The following SEMA6D variants were observed in gnomAD, a reference collection of about 807,000 sequenced individuals.
The protein encoded by SEMA6D is semaphorin-6D.
SEMA6D carries 35 observed loss-of-function variants against 106.6 expected under a neutral mutation model. The ratio of observed to expected loss-of-function variants is 0.33; its 90% CI spans 0.25 to 0.44. The LOEUF is 0.44. SEMA6D is among the 20% of genes least tolerant of loss of function. The pLI is 1.00. For synonymous variants in SEMA6D, 499 were observed against 487.7 expected (o/e 1.02, Z -0.31); for missense variants, 1,185 against 1,345.9 (o/e 0.88, Z 1.87).
At chr15:47,582,323 C>G (rs988547704) in intron 3 of SEMA6D, among the ~76,000 whole-genome samples, 2 of 152,174 alleles carry the variant, frequency 1.3e-5, no homozygotes, top group Non-Finnish European at 2.9e-5. Flanking sequence ...CGAGGCCACA[C>G]CATGAGTCCC....
rs73390909 is a variant in SEMA6D at position 47,551,979 on chromosome 15, T to C, written c.-86-48886T>C. 9.1e-3 allele frequency among the ~76,000 whole-genome samples: 1,385 copies of C among 152,122 alleles called. 13 individuals carry two copies. Among genetic ancestry groups the C allele is most frequent in the African/African-American group, 0.032 (1,343 of 41,530 alleles). On this transcript the variant is annotated intron_variant, in intron 3 of 19. Transcript: ENST00000558014. ...CAAGAGCTACCAAATTAAAAGTGCA[T>C]GCATTTTGACCTGGTAATCCCACTT...
At chr15:47,402,301 A>G (rs565960858) in intron 1 of SEMA6D, among the ~76,000 whole-genome samples, 3 of 152,338 alleles carry the variant, frequency 2.0e-5, no homozygotes, top group East Asian at 1.9e-4. Flanking sequence ...TTTCTCATCC[A>G]TATTTCCTTC....
chr15:47,295,526 T>C (rs2035769501), intron 1 of SEMA6D, among the ~76,000 whole-genome samples: 1 of 152,162 alleles, frequency 6.6e-6, no homozygotes, highest in East Asian at 1.9e-4. Context: ...ATTACTCTCC[T>C]AAAGAGATAG....
At position 47,590,336 on chromosome 15, in the gene SEMA6D, C is replaced by A. The variant is rs544874263; in HGVS notation, c.-86-10529C>A. Among the ~76,000 whole-genome samples, 8 of 147,848 alleles carry A rather than the reference C, an allele frequency of 5.4e-5. No homozygotes were observed. The South Asian group carries it at 1.5e-3, about 28-fold the overall frequency. ...ATAGGTGGGAATTGAGCAATGAGAA[C>A]ACTTAGACACAGGGCGGGGAACATC... On this transcript the variant is annotated intron_variant, in intron 3 of 19. Coordinates refer to the SEMA6D transcript ENST00000558014.
intron 4 of SEMA6D, among the ~76,000 whole-genome samples, chr15:47,682,169 A>G (rs992829588): frequency 6.7e-6 from 1 of 148,746 alleles, no homozygotes; most frequent in Non-Finnish European, 1.5e-5. Flanking sequence ...AAACAGTGCC[A>G]CTTTTTTTTT....
chr15:47,223,369 T>C (rs1364416923), intron 1 of SEMA6D, among the ~76,000 whole-genome samples: 1 of 152,134 alleles, frequency 6.6e-6, no homozygotes. Context: ...CCTGTAACTT[T>C]TCTGTCAAAG....
At chr15:47,244,524 C>G (rs1310221556) in intron 1 of SEMA6D, among the ~76,000 whole-genome samples, 3 of 152,056 alleles carry the variant, frequency 2.0e-5, no homozygotes, top group Non-Finnish European at 4.4e-5. Context: ...TATTATTACT[C>G]TCATTATACA....
intron 3 of SEMA6D, among the ~76,000 whole-genome samples, chr15:47,478,329 AAC>A (rs1307578876): frequency 6.6e-6 from 1 of 152,194 alleles, no homozygotes; most frequent in Admixed American, 6.6e-5. Flanking sequence ...ATGAAAATCA[AAC>A]ACACTTGCAT....
chr15:47,560,906 C>A (rs1254964621), intron 3 of SEMA6D, among the ~76,000 whole-genome samples: 1 of 152,008 alleles, frequency 6.6e-6, no homozygotes, highest in African/African-American at 2.4e-5. Flanking sequence ...GGGCATGGAG[C>A]AGATTCTTCC....
At chr15:47,364,750 C>G (rs2038949798) in intron 1 of SEMA6D, among the ~76,000 whole-genome samples, 1 of 151,854 alleles carries the variant, frequency 6.6e-6, no homozygotes, top group Non-Finnish European at 1.5e-5. Flanking sequence ...CCCCTCGTCC[C>G]CCTACTGCCA....
At chr15:47,536,121 A>G (rs2045155023) in intron 3 of SEMA6D, among the ~76,000 whole-genome samples, 1 of 152,138 alleles carries the variant, frequency 6.6e-6, no homozygotes, top group Admixed American at 6.5e-5. Context: ...TTGAAATGCT[A>G]ATGTTCCCGG....
chr15:47,676,765 T>C (rs1291601103), intron 4 of SEMA6D, among the ~76,000 whole-genome samples: 1 of 152,190 alleles, frequency 6.6e-6, no homozygotes, highest in Non-Finnish European at 1.5e-5. Context: ...TTGAAACAGA[T>C]ATTCATTATC....
At chr15:47,521,438 A>G (rs1016513805) in intron 3 of SEMA6D, among the ~76,000 whole-genome samples, 2 of 152,162 alleles carry the variant, frequency 1.3e-5, no homozygotes, top group African/African-American at 4.8e-5. Flanking sequence ...CTCCTCTCGG[A>G]TCTGACTACC....
intron 1 of SEMA6D, among the ~76,000 whole-genome samples, chr15:47,348,702 CACACACACACACACACCA>C (rs1166265847): frequency 5.4e-4 from 57 of 105,642 alleles, no homozygotes; most frequent in Middle Eastern, 5.6e-3. Flanking sequence ...CACACACACA[CACACACACACACACACCA>C]CACACACAGA....
At chr15:47,411,745 A>G (rs1011826925) in intron 1 of SEMA6D, among the ~76,000 whole-genome samples, 1 of 152,046 alleles carries the variant, frequency 6.6e-6, no homozygotes, top group East Asian at 1.9e-4. Context: ...GAGTGCTTCC[A>G]TGGGCTCGCA....
intron 1 of SEMA6D, chr15:47,396,272 G>C (rs1421624692): frequency 2.0e-5 from 3 of 151,390 alleles, no homozygotes; most frequent in African/African-American, 7.3e-5. Flanking sequence ...TATTAGTCAG[G>C]GATCTCTAAA....
intron 1 of SEMA6D, among the ~76,000 whole-genome samples, chr15:47,251,274 G>A (rs1170049411): frequency 6.6e-6 from 1 of 152,126 alleles, no homozygotes; most frequent in Non-Finnish European, 1.5e-5. Flanking sequence ...GCCTCTGCTT[G>A]AACTCATCCT....
chr15:47,477,470 C>T (rs2043034445), intron 3 of SEMA6D, among the ~76,000 whole-genome samples: 1 of 152,034 alleles, frequency 6.6e-6, no homozygotes, highest in Admixed American at 6.6e-5. Context: ...CTGGAATAAC[C>T]CACTTTTACA....
chr15:47,669,171 T>G (rs935361239), intron 4 of SEMA6D, among the ~76,000 whole-genome samples: 3 of 152,186 alleles, frequency 2.0e-5, no homozygotes, highest in Non-Finnish European at 2.9e-5. Context: ...ACAAGGACAT[T>G]TTTATAGTAC....
Sources: gnomAD v4.1 joint callset for allele counts (sites outside exome capture counted in the v4.1 genomes callset) on GRCh38, gnomAD v4.1.1 for gene constraint, MANE v1.5 for transcripts, NCBI Gene and HGNC (gene_info 2026-07-23, HGNC 2026-07-21) for gene names.